Variants in SPAG16 observed in about 807,000 individuals in gnomAD.
SPAG16 encodes the protein sperm-associated antigen 16 protein.
SPAG16 carries 86 observed loss-of-function variants against 80.4 expected under a neutral mutation model. That is an observed-to-expected ratio of 1.07 (90% CI 0.90 to 1.28). SPAG16 has a LOEUF of 1.28. SPAG16 is among the 50% of genes most tolerant of loss of function. SPAG16 has a pLI of 0.00. For missense variants in SPAG16, 870 were observed against 765.3 expected, an observed-to-expected ratio of 1.14 and a Z score of -1.61; for synonymous variants, 294 against 265.9, an observed-to-expected ratio of 1.11 and a Z score of -1.03.
chr2:214,008,885 G>A (rs898577716), intron 12 of SPAG16, among the ~76,000 whole-genome samples: 6 of 152,132 alleles, frequency 3.9e-5, no homozygotes, highest in Non-Finnish European at 5.9e-5. Flanking sequence ...GCCCTTTCAG[G>A]CATAGTTTTA....
chr2:214,408,823 A>C (rs1384509267), intron 15 of SPAG16, among the ~76,000 whole-genome samples: 4 of 152,160 alleles, frequency 2.6e-5, no homozygotes, highest in Non-Finnish European at 4.4e-5. Context: ...AGCTCCTTCT[A>C]TACCTAGGGT....
intron 1 of SPAG16, among the ~76,000 whole-genome samples, chr2:213,289,997 C>T (rs2062205240): frequency 6.6e-6 from 1 of 152,206 alleles, no homozygotes; most frequent in Non-Finnish European, 1.5e-5. Context: ...TACCAATTGG[C>T]ACCTCAAGCT....
At chr2:213,680,982 A>G (rs1218447415) in intron 10 of SPAG16, among the ~76,000 whole-genome samples, 1 of 152,224 alleles carries the variant, frequency 6.6e-6, no homozygotes, top group African/African-American at 2.4e-5. Flanking sequence ...TTAGGTTAAG[A>G]TAAAGGATTG....
chr2:213,499,423 C>T (rs2074640309), intron 10 of SPAG16, among the ~76,000 whole-genome samples: 1 of 152,116 alleles, frequency 6.6e-6, no homozygotes. Context: ...CATATCTTGT[C>T]ACTATGAATA....
At chr2:213,611,529 G>T (rs984107681) in intron 10 of SPAG16, among the ~76,000 whole-genome samples, 14 of 152,190 alleles carry the variant, frequency 9.2e-5, no homozygotes, top group East Asian at 1.9e-4. Context: ...GGGTTTGTTT[G>T]GTTTAAATGG....
chr2:213,836,988 C>G (rs770526494), intron 10 of SPAG16, among the ~76,000 whole-genome samples: 1 of 152,130 alleles, frequency 6.6e-6, no homozygotes, highest in Non-Finnish European at 1.5e-5. Context: ...ACAAAACAAA[C>G]ATGCATTGTT....
chr2:214,277,796 C>T (rs1692585584), intron 15 of SPAG16, among the ~76,000 whole-genome samples: 5 of 152,238 alleles, frequency 3.3e-5, no homozygotes, highest in Admixed American at 3.3e-4. Flanking sequence ...TCTGTCCGTT[C>T]TCAGAGCTCA....
intron 5 of SPAG16, chr2:213,317,630 T>A: frequency 9.4e-7 from 1 of 1,060,060 alleles, no homozygotes; most frequent in Non-Finnish European, 1.1e-6. Context: ...TATTTGATAG[T>A]CTTTTCATGG....
intron 5 of SPAG16, among the ~76,000 whole-genome samples, chr2:213,336,139 A>G (rs1000697715): frequency 6.6e-6 from 1 of 152,108 alleles, no homozygotes; most frequent in Non-Finnish European, 1.5e-5. Context: ...GGATTGTGCT[A>G]CCCCTCCCTG....
At chr2:214,251,675 GCATGGGGCT>G (rs1266416688) in intron 15 of SPAG16, among the ~76,000 whole-genome samples, 2 of 152,106 alleles carry the variant, frequency 1.3e-5, no homozygotes, top group Non-Finnish European at 2.9e-5. Context: ...CAATGTCACT[GCATGGGGCT>G]TCCTCTGTGT....
intron 10 of SPAG16, among the ~76,000 whole-genome samples, chr2:213,617,468 A>G (rs2061637169): frequency 6.6e-6 from 1 of 152,010 alleles, no homozygotes; most frequent in African/African-American, 2.4e-5. Flanking sequence ...CAGCCTCCCG[A>G]CTGGCTGGGA....
intron 5 of SPAG16, among the ~76,000 whole-genome samples, chr2:213,330,682 G>A (rs1389216414): frequency 6.6e-6 from 1 of 152,114 alleles, no homozygotes; most frequent in Non-Finnish European, 1.5e-5. Flanking sequence ...GGGGACTGTT[G>A]GGAAGGCATT....
At chr2:213,579,967 G>A (rs2060249149) in intron 10 of SPAG16, among the ~76,000 whole-genome samples, 1 of 151,970 alleles carries the variant, frequency 6.6e-6, no homozygotes, top group Non-Finnish European at 1.5e-5. Flanking sequence ...ATACTGATGG[G>A]GTTCAAAACA....
At chr2:213,748,868 G>A (rs1279578303) in intron 10 of SPAG16, among the ~76,000 whole-genome samples, 1 of 152,140 alleles carries the variant, frequency 6.6e-6, no homozygotes, top group South Asian at 2.1e-4. Flanking sequence ...GCCTCTCAGG[G>A]TGGGGCGTGG....
At chr2:213,947,119 C>G (rs998906592) in intron 12 of SPAG16, among the ~76,000 whole-genome samples, 4 of 152,006 alleles carry the variant, frequency 2.6e-5, no homozygotes, top group African/African-American at 9.7e-5. Flanking sequence ...TGGAATATTT[C>G]CAGTTTGGGA....
At chr2:214,338,711 A>T (rs1364589427) in intron 15 of SPAG16, among the ~76,000 whole-genome samples, 4 of 152,164 alleles carry the variant, frequency 2.6e-5, no homozygotes, top group Non-Finnish European at 5.9e-5. Context: ...TTCTACTTGT[A>T]ATGGGTTCTT....
intron 1 of SPAG16, among the ~76,000 whole-genome samples, chr2:213,294,077 C>G (rs187852977): frequency 1.3e-5 from 2 of 152,264 alleles, no homozygotes; most frequent in East Asian, 3.9e-4. Flanking sequence ...GAACATCCCC[C>G]CATTTTCCCT....
At chr2:214,118,215 A>G (rs956815780) in intron 14 of SPAG16, among the ~76,000 whole-genome samples, 1 of 152,230 alleles carries the variant, frequency 6.6e-6, no homozygotes, top group Non-Finnish European at 1.5e-5. Context: ...TCTCCAAAAA[A>G]GATATGACAA....
chr2:214,278,215 G>T (rs2125908324), intron 15 of SPAG16, among the ~76,000 whole-genome samples: 1 of 152,268 alleles, frequency 6.6e-6, no homozygotes, highest in South Asian at 2.1e-4. Flanking sequence ...TCCAGGTACA[G>T]TCTGTCATGG....
Sources: gnomAD v4.1 joint callset for allele counts (sites outside exome capture counted in the v4.1 genomes callset) on GRCh38, gnomAD v4.1.1 for gene constraint, MANE v1.5 for transcripts, NCBI Gene and HGNC (gene_info 2026-07-23, HGNC 2026-07-21) for gene names.